The following HHIP variants were observed in gnomAD, a reference collection of about 807,000 sequenced individuals.
The protein encoded by HHIP is hedgehog interacting protein.
Under a neutral mutation model 74.0 loss-of-function variants are expected in HHIP, and 12 were observed. The ratio of observed to expected loss-of-function variants is 0.16; its 90% CI spans 0.10 to 0.26. The LOEUF (loss-of-function observed/expected upper bound fraction) is 0.26, where lower values mean the gene tolerates loss of function less well. Among genes scored for constraint, HHIP ranks in the 10% least tolerant of loss-of-function variants. The pLI is 1.00. For synonymous variants in HHIP, 309 were observed against 311.6 expected (o/e 0.99, Z 0.09); for missense variants, 788 against 845.0 (o/e 0.93, Z 0.84).
chr4:144,737,216 C>A (rs1731144296), intron 12 of HHIP, among the ~76,000 whole-genome samples: 1 of 152,156 alleles, frequency 6.6e-6, no homozygotes, highest in Non-Finnish European at 1.5e-5. Context: ...AATCAGAGAG[C>A]AAAGCATATG....
At chr4:144,651,629 AT>A (rs2126575883) in intron 1 of HHIP, among the ~76,000 whole-genome samples, 1 of 152,206 alleles carries the variant, frequency 6.6e-6, no homozygotes, top group African/African-American at 2.4e-5. Context: ...TGTTTTTAAT[AT>A]AAAAAATCAA....
At chr4:144,697,875 C>T (rs1167687751) in intron 4 of HHIP, among the ~76,000 whole-genome samples, 5 of 151,968 alleles carry the variant, frequency 3.3e-5, no homozygotes, top group Admixed American at 3.3e-4. Flanking sequence ...ACTTCCAATA[C>T]GTCCAATATC....
intron 10 of HHIP, among the ~76,000 whole-genome samples, chr4:144,716,047 T>G (rs1730437454): frequency 6.6e-6 from 1 of 152,178 alleles, no homozygotes; most frequent in African/African-American, 2.4e-5. Flanking sequence ...AAGTTGAAAT[T>G]GAAATATGAT....
chr4:144,647,867 T>C (rs1402703074), intron 1 of HHIP, among the ~76,000 whole-genome samples: 1 of 151,920 alleles, frequency 6.6e-6, no homozygotes, highest in African/African-American at 2.4e-5. Flanking sequence ...GTGTCTTTGC[T>C]CCCCCTCCCT....
At chr4:144,735,710 A>T (rs530618477) in intron 12 of HHIP, among the ~76,000 whole-genome samples, 9 of 152,218 alleles carry the variant, frequency 5.9e-5, no homozygotes, top group Non-Finnish European at 8.8e-5. Context: ...TAAAACCTCA[A>T]ATTAACATTT....
chr4:144,698,720 T>C (rs1056213394), intron 4 of HHIP, among the ~76,000 whole-genome samples: 2 of 152,278 alleles, frequency 1.3e-5, no homozygotes, highest in Non-Finnish European at 2.9e-5. Flanking sequence ...CGTCCTTCGT[T>C]TATTGTGGCT....
At chr4:144,664,074 C>T (rs553453167) in intron 4 of HHIP, among the ~76,000 whole-genome samples, 6 of 152,338 alleles carry the variant, frequency 3.9e-5, no homozygotes, top group East Asian at 1.9e-4. Flanking sequence ...CAGCAGCCCT[C>T]GGCTAGCAGC....
chr4:144,700,527 A>G lies in HHIP; in HGVS notation c.832-6004A>G, dbSNP rs192127449. Among the ~76,000 whole-genome samples, 219 of 152,292 alleles carry G rather than the reference A, an allele frequency of 1.4e-3. 2 individuals carry two copies. Among genetic ancestry groups the G allele is most frequent in the Non-Finnish European group, 2.1e-3 (142 of 68,022 alleles). On this transcript the variant is annotated intron_variant, in intron 4 of 12. Transcript: ENST00000296575. ...ACAGCACATAGGGAGATTATCCTGG[A>G]TCATCTGGGTGGGCTCAGTGTAATC...
chr4:144,646,962 C>A lies in HHIP; in HGVS notation c.279+8C>A. On this transcript the variant is annotated splice_region_variant and intron_variant, in intron 1 of 12. Coordinates refer to ENST00000296575, the MANE Select transcript of HHIP (RefSeq NM_022475.3). ...GGGCGCCTGGAGAATAAGGTAGGCA[C>A]TCACCGGCTTCACGGATGCGTACTT... 6.3e-7 allele frequency: 1 copy of A among 1,588,704 alleles called. No homozygotes were observed. Among genetic ancestry groups the A allele is most frequent in the Non-Finnish European group, 8.6e-7 (1 of 1,166,126 alleles).
intron 4 of HHIP, among the ~76,000 whole-genome samples, chr4:144,703,279 C>G (rs144031096): frequency 6.6e-6 from 1 of 151,638 alleles, no homozygotes; most frequent in Admixed American, 6.6e-5. Flanking sequence ...GCCTGAATCA[C>G]GACTCTTCCA....
chr4:144,736,704 A>G (rs1731130542), intron 12 of HHIP, among the ~76,000 whole-genome samples: 1 of 152,234 alleles, frequency 6.6e-6, no homozygotes, highest in African/African-American at 2.4e-5. Flanking sequence ...ACACTGAATC[A>G]ATTTAAATAG....
rs1012126893 is a variant in HHIP at position 144,740,820 on chromosome 4, T to C, written c.*2863T>C. On this transcript the variant is annotated 3_prime_UTR_variant, in exon 13 of 13. Coordinates refer to ENST00000296575, the MANE Select transcript of HHIP (RefSeq NM_022475.3). ...ACTGATGCATAAGATAAAGACGAAA[T>C]AATGAAAAAGAAAAATGTATATTAT... is the stretch of plus-strand genomic sequence containing the variant. 6.6e-6 allele frequency: 1 copy of C among 152,146 alleles called. No individual in the cohort carries two copies. Among genetic ancestry groups the C allele is most frequent in the Non-Finnish European group, 1.5e-5 (1 of 68,016 alleles). 9.4% of individuals were successfully genotyped at this position (152,146 alleles called of 1,614,324 possible).
In HHIP at chr4:144,692,028, A is replaced by G. The variant is rs111278932; in HGVS notation, c.832-14503A>G. Among the ~76,000 whole-genome samples the G allele has an allele frequency of 7.2e-3, 1,092 of 152,226 alleles. 16 individuals are homozygous for G. The highest frequency in any genetic ancestry group is 0.025 in the African/African-American group (1,019 of 41,552). ...CATCATGTACAGGAACAATATGCTC[A>G]TTGCTCCTCCCACCCATCCCCACCA... is the stretch of plus-strand genomic sequence containing the variant. On this transcript the variant is annotated intron_variant, in intron 4 of 12. Coordinates refer to ENST00000296575, the MANE Select transcript of HHIP (RefSeq NM_022475.3).
At chr4:144,655,918 T>C (rs1359677344) in intron 2 of HHIP, among the ~76,000 whole-genome samples, 1 of 152,152 alleles carries the variant, frequency 6.6e-6, no homozygotes, top group Non-Finnish European at 1.5e-5. Context: ...ACCAGGCTCA[T>C]GATCCAGCAG....
chr4:144,665,137 C>T (rs1246472071), intron 4 of HHIP, among the ~76,000 whole-genome samples: 3 of 152,090 alleles, frequency 2.0e-5, no homozygotes, highest in East Asian at 1.9e-4. Flanking sequence ...TGCAGTGGTG[C>T]GATCTCAGCT....
At chr4:144,706,989 C>A in intron 5 of HHIP, 98 bp from the exon 6 acceptor site, 1 of 950,656 alleles carries the variant, frequency 1.1e-6, no homozygotes. Context: ...TTACTATGTG[C>A]CAGGAGTTTG....
At chr4:144,670,258 C>T (rs1728995638) in intron 4 of HHIP, among the ~76,000 whole-genome samples, 1 of 151,774 alleles carries the variant, frequency 6.6e-6, no homozygotes, top group Non-Finnish European at 1.5e-5. Context: ...GTAACGAGTG[C>T]TCAATCAGCC....
intron 7 of HHIP, among the ~76,000 whole-genome samples, chr4:144,710,675 T>A (rs988277835): frequency 1.3e-5 from 2 of 152,190 alleles, no homozygotes; most frequent in African/African-American, 4.8e-5. Context: ...CATTTGGCTA[T>A]GTCTGGGAAC....
At position 144,652,677 on chromosome 4, in the gene HHIP, C is replaced by T; in HGVS notation, c.352C>T (p.His118Tyr). 1 of 1,611,690 alleles carries T rather than the reference C, an allele frequency of 6.2e-7. No homozygotes were observed. The highest frequency in any genetic ancestry group is 8.5e-7 in the Non-Finnish European group (1 of 1,177,976). ...AATCAAATGTGCACTTTGCTCTCCA[C>T]ATTCTCAAAGCCTGTTCCACTCACC... ...EEIKCALCSPHSQSLFHSPER... is the reference protein window; with the variant it reads ...EEIKCALCSPYSQSLFHSPER... Residue 118 changes from histidine (H) to tyrosine (Y), a missense_variant, in exon 2 of 13, where the codon CAT becomes TAT. Physicochemically the swap from His to Tyr is moderately conservative, Grantham distance 83. Around this residue, in one of 3 missense-constraint regions of HHIP, gnomAD observed 373 missense variants for 366.4 expected, o/e 1.02. Coordinates refer to ENST00000296575, the MANE Select transcript of HHIP (RefSeq NM_022475.3).
Sources: allele counts gnomAD v4.1 joint callset (sites outside exome capture counted in the v4.1 genomes callset), GRCh38; gene constraint gnomAD v4.1.1; regional missense constraint gnomAD v4.1.1; transcripts MANE v1.5; gene names NCBI Gene and HGNC (gene_info 2026-07-23, HGNC 2026-07-21).